Variants in GALNT16 observed in about 807,000 individuals in gnomAD.
The protein encoded by GALNT16 is polypeptide N-acetylgalactosaminyltransferase 16, also known as UDP-GalNAc:polypeptide N-acetylgalactosaminyltransferase-like protein 1.
GALNT16 carries 40 observed loss-of-function variants against 76.1 expected under a neutral mutation model. That is an observed-to-expected ratio of 0.53 (90% CI 0.41 to 0.68). The LOEUF is 0.68. Among genes scored for constraint, GALNT16 ranks in the 30% least tolerant of loss-of-function variants. The pLI, the probability that GALNT16 is intolerant of heterozygous loss-of-function variation, is 0.00. For missense variants in GALNT16, 621 were observed against 731.9 expected (o/e 0.85, Z 1.75); for synonymous variants, 276 against 285.2 (o/e 0.97, Z 0.32).
At chr14:69,301,968 C>A (rs1226739369) in intron 1 of GALNT16, among the ~76,000 whole-genome samples, 1 of 152,052 alleles carries the variant, frequency 6.6e-6, no homozygotes, top group Non-Finnish European at 1.5e-5. Flanking sequence ...GACAGTGAGA[C>A]CTCATCTAAA....
chr14:69,335,087 C>A (rs1791602356), intron 9 of GALNT16, among the ~76,000 whole-genome samples: 1 of 152,192 alleles, frequency 6.6e-6, no homozygotes, highest in Non-Finnish European at 1.5e-5. Flanking sequence ...ATCTAATGGG[C>A]GTATGCAGCT....
chr14:69,356,547 G>A (rs2045694264), downstream of GALNT16: 1 of 104,872 alleles, frequency 9.5e-6, no homozygotes. Flanking sequence ...TTTGCCAGCT[G>A]TGAGCTCTTT....
intron 6 of GALNT16, among the ~76,000 whole-genome samples, chr14:69,328,773 A>G (rs551513124): frequency 2.6e-5 from 4 of 152,308 alleles, no homozygotes; most frequent in African/African-American, 9.6e-5. Flanking sequence ...CCACTGGGTT[A>G]TTGTGAGAAT....
intron 1 of GALNT16, among the ~76,000 whole-genome samples, chr14:69,299,394 T>C (rs2044815278): frequency 6.6e-6 from 1 of 152,196 alleles, no homozygotes; most frequent in Non-Finnish European, 1.5e-5. Flanking sequence ...CAAGTTTATC[T>C]GGCAGTACTT....
the GALNT16 span, among the ~76,000 whole-genome samples, chr14:69,383,755 G>C: frequency 6.6e-6 from 1 of 152,110 alleles, no homozygotes; most frequent in Non-Finnish European, 1.5e-5. Context: ...GAATTATCTA[G>C]GTAATAATTA....
intron 2 of GALNT16, among the ~76,000 whole-genome samples, chr14:69,323,678 C>T (rs1387866647): frequency 6.6e-6 from 1 of 152,186 alleles, no homozygotes; most frequent in Admixed American, 6.5e-5. Context: ...TACCCTACAC[C>T]CCCTCTCAAG....
intron 9 of GALNT16, among the ~76,000 whole-genome samples, chr14:69,337,543 C>G (rs969562687): frequency 1.3e-5 from 2 of 152,206 alleles, no homozygotes; most frequent in African/African-American, 4.8e-5. Flanking sequence ...GATCTTCGGC[C>G]CCCCAGGACT....
Position 69,307,706 on chromosome 14 carries a change from A to T in GALNT16, c.178-13005A>T, listed in dbSNP as rs2044957096. Among the ~76,000 whole-genome samples, 3 of 152,308 alleles carry T rather than the reference A, an allele frequency of 2.0e-5. No individual in the cohort carries two copies. The South Asian group carries it at 6.2e-4, about 32-fold the overall frequency. ...CTCCTTGCCCTGCCTGCCCACCTCA[A>T]CTAAGTTACTAAGTTAAGCACTCAC... On this transcript the variant is annotated intron_variant, in intron 1 of 14. Transcript: ENST00000448469.
intron 2 of GALNT16, among the ~76,000 whole-genome samples, chr14:69,323,855 G>C (rs1163634605): frequency 6.6e-6 from 1 of 152,162 alleles, no homozygotes; most frequent in Admixed American, 6.5e-5. Flanking sequence ...AACGGGCACT[G>C]GTGGAATAGT....
At chr14:69,288,212 T>C (rs1374171567) in intron 1 of GALNT16, among the ~76,000 whole-genome samples, 1 of 152,150 alleles carries the variant, frequency 6.6e-6, no homozygotes, top group Non-Finnish European at 1.5e-5. Flanking sequence ...GTATCATTTG[T>C]TTAAAGTTGC....
intron 1 of GALNT16, among the ~76,000 whole-genome samples, chr14:69,289,080 G>A (rs977495162): frequency 3.9e-5 from 6 of 152,168 alleles, no homozygotes; most frequent in African/African-American, 1.4e-4. Context: ...GTCTCGCCCT[G>A]TTGCCCAGGC....
intron 1 of GALNT16, among the ~76,000 whole-genome samples, chr14:69,297,609 A>G (rs1414284113): frequency 7.0e-6 from 1 of 143,726 alleles, no homozygotes; most frequent in African/African-American, 2.6e-5. Flanking sequence ...TAATTGCATT[A>G]GTATTATGTA....
rs1021507588 is a variant in GALNT16, at chr14:69,331,368, C to G, written c.691-96C>G. On this transcript the variant is annotated intron_variant, in intron 6 of 14. Coordinates refer to ENST00000448469, the MANE Select transcript of GALNT16 (RefSeq NM_001168368.2). The stretch of plus-strand genomic sequence containing the variant: ...TACCCTGCAGGAAGTGCTGAGTGCC[C>G]CATGTCTCAGAGAGGCCTTCTCCCC... 9.4e-6 allele frequency: 7 copies of G among 748,536 alleles called. No homozygotes were observed. The African/African-American group carries it at 1.2e-4, about 13-fold the overall frequency. 46.4% of individuals were successfully genotyped at this position (748,536 alleles called of 1,614,324 possible). A position where few individuals can be genotyped will look rare whatever the true frequency, so the allele number is the denominator to read the frequency against.
intron 11 of GALNT16, 34 bp downstream of exon 11, chr14:69,339,653 C>G: frequency 7.5e-7 from 1 of 1,325,250 alleles, no homozygotes; most frequent in South Asian, 1.3e-5. Context: ...CTGACTCCCT[C>G]TACCCACATT....
chr14:69,268,251 A>G (rs996058095), intron 1 of GALNT16, among the ~76,000 whole-genome samples: 2 of 152,180 alleles, frequency 1.3e-5, no homozygotes, highest in Non-Finnish European at 2.9e-5. Context: ...AATAGCCACA[A>G]CACCCATGGA....
chr14:69,281,646 T>TGAAC (rs2044543025), intron 1 of GALNT16, among the ~76,000 whole-genome samples: 2 of 152,144 alleles, frequency 1.3e-5, no homozygotes, highest in South Asian at 4.1e-4. Context: ...TGACACCAGC[T>TGAAC]GAACCCTCCA....
the GALNT16 span, chr14:69,380,510 C>A: frequency 8.5e-7 from 1 of 1,176,414 alleles, no homozygotes; most frequent in Admixed American, 1.7e-5. Flanking sequence ...CCAAGCCCAC[C>A]CCAACCCCCC....
At chr14:69,343,247 C>T (rs1040056847) in intron 12 of GALNT16, among the ~76,000 whole-genome samples, 3 of 152,226 alleles carry the variant, frequency 2.0e-5, no homozygotes, top group Non-Finnish European at 4.4e-5. Context: ...CCCCTCAGAG[C>T]TTGCATATCC....
intron 1 of GALNT16, among the ~76,000 whole-genome samples, chr14:69,310,304 TTC>T (rs1347784605): frequency 1.3e-5 from 2 of 152,124 alleles, no homozygotes; most frequent in Non-Finnish European, 2.9e-5. Context: ...TTTTCAGATT[TTC>T]TCTGATTGTT....
Sources: gnomAD v4.1 joint callset for allele counts (sites outside exome capture counted in the v4.1 genomes callset) on GRCh38, gnomAD v4.1.1 for gene constraint, MANE v1.5 for transcripts, NCBI Gene and HGNC (gene_info 2026-07-23, HGNC 2026-07-21) for gene names.